PGBD5: variants seen among roughly 807,000 people sequenced by gnomAD.
PGBD5 encodes piggyBac transposable element derived 5.
A neutral mutation model predicts 47.9 loss-of-function variants in PGBD5; 14 were observed. That is an observed-to-expected ratio of 0.29 (90% CI 0.19 to 0.46). The LOEUF is 0.46. Ranked by LOEUF, PGBD5 falls within the 20% of genes least tolerant of loss-of-function variation. The pLI, the probability that PGBD5 is intolerant of heterozygous loss-of-function variation, is 1.00. For missense variants in PGBD5, 635 were observed against 716.0 expected, an observed-to-expected ratio of 0.89 and a Z score of 1.29; for synonymous variants, 316 against 306.3, an observed-to-expected ratio of 1.03 and a Z score of -0.33.
intron 3 of PGBD5, among the ~76,000 whole-genome samples, chr1:230,338,597 G>C (rs1258009139): frequency 2.0e-5 from 3 of 152,136 alleles, no homozygotes; most frequent in South Asian, 2.1e-4. Flanking sequence ...TCAGGAGTTC[G>C]AGACCAGCCT....
intron 1 of PGBD5, among the ~76,000 whole-genome samples, chr1:230,417,518 G>A (rs1055400435): frequency 6.6e-6 from 1 of 152,202 alleles, no homozygotes; most frequent in Non-Finnish European, 1.5e-5. Flanking sequence ...CTCAGTTTAG[G>A]GGCCAGTGCG....
intron 4 of PGBD5, among the ~76,000 whole-genome samples, chr1:230,336,602 G>A (rs1449410414): frequency 2.6e-5 from 4 of 152,164 alleles, no homozygotes; most frequent in African/African-American, 9.7e-5. Context: ...GCCATAGAAG[G>A]CTTGCCCAGT....
rs1667063432 is a variant in PGBD5, at chr1:230,323,209, T to A, written c.*216A>T. The A allele has an allele frequency of 7.0e-6, 4 of 571,736 alleles. No homozygotes were observed. In the South Asian group the frequency reaches 9.3e-5, roughly 13 times the overall value. 35.4% of individuals were successfully genotyped at this position (571,736 alleles called of 1,614,324 possible). ...TAAGTGCTCATCACACCGGCGGCAC[T>A]GTTTCTCGAGGGAGGACATGCTCTT... On this transcript the variant is annotated 3_prime_UTR_variant, in exon 7 of 7. Coordinates refer to ENST00000391860, the MANE Select transcript of PGBD5 (RefSeq NM_001258311.2). The surrounding 1 kb of genome is among the most constrained non-coding windows in gnomAD (Gnocchi z 4.1).
intron 1 of PGBD5, among the ~76,000 whole-genome samples, chr1:230,397,541 T>C (rs935474752): frequency 3.3e-5 from 5 of 152,200 alleles, no homozygotes; most frequent in African/African-American, 7.2e-5. Flanking sequence ...AGAGGAGATT[T>C]AAGAATATTT....
At chr1:230,406,701 A>G (rs1056745035) in intron 1 of PGBD5, among the ~76,000 whole-genome samples, 12 of 152,206 alleles carry the variant, frequency 7.9e-5, no homozygotes, top group Admixed American at 2.6e-4. Context: ...TTGTCATTTA[A>G]TTTTATTCAG....
intron 4 of PGBD5, among the ~76,000 whole-genome samples, chr1:230,334,129 G>A (rs1169761320): frequency 6.6e-6 from 1 of 152,234 alleles, no homozygotes; most frequent in Non-Finnish European, 1.5e-5. Context: ...AAGGACAGTT[G>A]AATGAATCTT....
At chr1:230,424,751 G>C (rs1406799414) in intron 1 of PGBD5, among the ~76,000 whole-genome samples, 3 of 152,262 alleles carry the variant, frequency 2.0e-5, no homozygotes, top group Non-Finnish European at 1.5e-5. Flanking sequence ...ACCAGCATGA[G>C]AGGGCGGCTG....
chr1:230,337,416 ATCT>A (rs1667344064), intron 3 of PGBD5, 128 bp from the exon 4 acceptor site: 6 of 965,284 alleles, frequency 6.2e-6, no homozygotes, highest in Middle Eastern at 2.5e-4. Context: ...AGCCCCCATC[ATCT>A]TTTCAGCTCA....
intron 3 of PGBD5, among the ~76,000 whole-genome samples, chr1:230,342,331 T>C (rs570830342): frequency 6.6e-6 from 1 of 152,310 alleles, no homozygotes; most frequent in East Asian, 1.9e-4. Context: ...CAGAAGAGAA[T>C]CAATTTTCTC....
In PGBD5 at chr1:230,320,299, G is replaced by C. The variant is rs566172824; in HGVS notation, c.*3126C>G. The stretch of plus-strand genomic sequence containing the variant: ...TTGCCTAAGAAGGACCTCACGGGAC[G>C]CTCAACACAACTGCAGTAATGGGAA... On this transcript the variant is annotated 3_prime_UTR_variant, in exon 7 of 7. Transcript: ENST00000391860. 3 of 152,146 alleles carry C rather than the reference G, an allele frequency of 2.0e-5. No homozygotes were observed. 9.4% of individuals were successfully genotyped at this position (152,146 alleles called of 1,614,324 possible).
chr1:230,423,233 T>C (rs1657699206), intron 1 of PGBD5, among the ~76,000 whole-genome samples: 1 of 152,104 alleles, frequency 6.6e-6, no homozygotes, highest in African/African-American at 2.4e-5. Context: ...CAAGAGCAAT[T>C]TGAATTATAA....
chr1:230,365,056 G>A (rs1667805976), intron 1 of PGBD5, among the ~76,000 whole-genome samples: 1 of 147,684 alleles, frequency 6.8e-6, no homozygotes, highest in South Asian at 2.2e-4. Context: ...GCTCACGCCT[G>A]TAATCCCAGC....
At position 230,425,976 on chromosome 1, in the gene PGBD5, G is replaced by T. The variant is rs1657774982; in HGVS notation, c.-48C>A. 2.3e-6 allele frequency: 2 copies of T among 871,718 alleles called. No homozygotes were observed. Among genetic ancestry groups the T allele is most frequent in the Non-Finnish European group, 2.7e-6 (2 of 737,034 alleles). The allele number at this position is 871,718 out of a possible 1,614,324, so 54.0% of individuals were successfully genotyped here. ...CCCGCCCCCACAGTGCCTCCCAGCC[G>T]CACACGCCGGGCCCTGGGCCCGCGC... On this transcript the variant is annotated 5_prime_UTR_variant, in exon 1 of 7. Coordinates refer to ENST00000391860, the MANE Select transcript of PGBD5 (RefSeq NM_001258311.2). The surrounding 1 kb of genome is among the most constrained non-coding windows in gnomAD (Gnocchi z 4.7).
chr1:230,384,524 G>A (rs975053009), intron 1 of PGBD5, among the ~76,000 whole-genome samples: 4 of 152,168 alleles, frequency 2.6e-5, no homozygotes, highest in South Asian at 4.1e-4. Flanking sequence ...AGCACCCACC[G>A]AGCACTGGGC....
chr1:230,357,251 G>C lies in PGBD5; in HGVS notation c.402C>G (p.Val134=). The C allele has an allele frequency of 1.2e-6, 2 of 1,614,156 alleles. No individual in the cohort carries two copies. The highest frequency in any genetic ancestry group is 2.2e-5 in the South Asian group (2 of 91,070). Residue 134 remains valine (V), a synonymous_variant, in exon 2 of 7, where the codon GTC becomes GTG. Coordinates refer to ENST00000391860, the MANE Select transcript of PGBD5 (RefSeq NM_001258311.2). The surrounding 1 kb of genome is among the most constrained non-coding windows in gnomAD (Gnocchi z 5.7). ...DFFQLFVPDN[V]LKNMVVQTNM... is the part of the protein sequence containing the mutation. ...TTGTCTGCACCACCATGTTCTTGAG[G>C]ACGTTGTCTGGGACAAAGAGCTGGA...
In PGBD5 at chr1:230,315,669, CGTGT is replaced by C. The variant is rs1035792040; in HGVS notation, c.*7752_*7755del. On this transcript the variant is annotated 3_prime_UTR_variant, in exon 7 of 7. Transcript: ENST00000391860. ...TCATGTGGTAGACTCTGTATTTTATCGTGTGTGTATGTGTGTGTATATTTACACA... is the reference window on the plus strand; with the variant it reads ...TCATGTGGTAGACTCTGTATTTTATCGTGTATGTGTGTGTATATTTACACA... 11 of 151,258 alleles carry C rather than the reference CGTGT, an allele frequency of 7.3e-5. No homozygotes were observed. The highest frequency in any genetic ancestry group is 1.5e-4 in the African/African-American group (6 of 41,158). The allele number at this position is 151,258 out of a possible 1,614,324, so 9.4% of individuals were successfully genotyped here.
chr1:230,346,747 CT>C (rs1490756591), intron 3 of PGBD5, among the ~76,000 whole-genome samples: 1 of 152,202 alleles, frequency 6.6e-6, no homozygotes, highest in Non-Finnish European at 1.5e-5. Context: ...TTTCTTACCC[CT>C]ACAGGTGCCT....
At chr1:230,363,456 C>T (rs1039846197) in intron 1 of PGBD5, among the ~76,000 whole-genome samples, 13 of 152,072 alleles carry the variant, frequency 8.5e-5, no homozygotes, top group African/African-American at 2.4e-4. Context: ...GTGGCGGGCG[C>T]CTGTAGTCCC....
chr1:230,371,080 A>T (rs1667921501), intron 1 of PGBD5, among the ~76,000 whole-genome samples: 1 of 152,172 alleles, frequency 6.6e-6, no homozygotes, highest in African/African-American at 2.4e-5. Flanking sequence ...ACTGATTGTT[A>T]TTTGTCTAAA....
Sources: allele counts gnomAD v4.1 joint callset (sites outside exome capture counted in the v4.1 genomes callset), GRCh38; gene constraint gnomAD v4.1.1; non-coding constraint Gnocchi (gnomAD v3.1); transcripts MANE v1.5; gene names NCBI Gene and HGNC (gene_info 2026-07-23, HGNC 2026-07-21).